Variants in ADAM10 observed in about 807,000 individuals in gnomAD.
The protein encoded by ADAM10 is ADAM metallopeptidase domain 10, also known as disintegrin and metalloproteinase domain-containing protein 10.
In ADAM10, 17 loss-of-function variants were observed where a neutral mutation model predicts 90.1. The ratio of observed to expected loss-of-function variants is 0.19; its 90% CI spans 0.13 to 0.28. The LOEUF (loss-of-function observed/expected upper bound fraction) is 0.28, where lower values mean the gene tolerates loss of function less well. Ranked by LOEUF, ADAM10 falls within the 10% of genes least tolerant of loss-of-function variation. The probability of loss-of-function intolerance (pLI) is 1.00; values close to 1 mark genes in which losing one functional copy is unlikely to be tolerated. For synonymous variants in ADAM10, 310 were observed against 298.6 expected, an observed-to-expected ratio of 1.04 and a Z score of -0.40; for missense variants, 610 against 914.3, an observed-to-expected ratio of 0.67 and a Z score of 4.29.
intron 12 of ADAM10, 77 bp downstream of exon 12, chr15:58,611,731 A>G: frequency 7.3e-7 from 1 of 1,363,334 alleles, no homozygotes; most frequent in African/African-American, 1.5e-5. Flanking sequence ...TTAACTATGT[A>G]GCTTTAAGCA....
intron 9 of ADAM10, among the ~76,000 whole-genome samples, chr15:58,632,816 A>G (rs1331426183): frequency 6.6e-6 from 1 of 152,236 alleles, no homozygotes; most frequent in East Asian, 1.9e-4. Context: ...CAAAACAAAA[A>G]AAGAATTTCT....
intron 7 of ADAM10, among the ~76,000 whole-genome samples, chr15:58,642,322 G>A (rs1056235170): frequency 5.9e-5 from 9 of 151,862 alleles, no homozygotes; most frequent in South Asian, 4.2e-4. Flanking sequence ...AAAATTAGCC[G>A]GGCATGACAG....
At chr15:58,745,187 A>C (rs968437937) in intron 1 of ADAM10, among the ~76,000 whole-genome samples, 53 of 152,202 alleles carry the variant, frequency 3.5e-4, no homozygotes, top group African/African-American at 5.3e-4. Flanking sequence ...CATCTCAAAA[A>C]AATAAAAGTG....
chr15:58,646,711 C>T (rs563312865), intron 5 of ADAM10, among the ~76,000 whole-genome samples: 6 of 152,324 alleles, frequency 3.9e-5, no homozygotes, highest in African/African-American at 1.2e-4. Context: ...GTTTTCAAAA[C>T]GCAAATTTGA....
At chr15:58,659,035 G>A (rs1386929862) in intron 5 of ADAM10, among the ~76,000 whole-genome samples, 1 of 152,162 alleles carries the variant, frequency 6.6e-6, no homozygotes, top group Admixed American at 6.5e-5. Flanking sequence ...GGCACTTTGG[G>A]AAGCCGAAGC....
chr15:58,746,859 G>A (rs560575589), intron 1 of ADAM10, among the ~76,000 whole-genome samples: 2 of 152,324 alleles, frequency 1.3e-5, no homozygotes, highest in South Asian at 4.1e-4. Flanking sequence ...TAAGGATAAA[G>A]ACAAAATTAG....
intron 2 of ADAM10, among the ~76,000 whole-genome samples, chr15:58,708,466 G>A (rs890682451): frequency 7.9e-5 from 12 of 151,924 alleles, no homozygotes; most frequent in African/African-American, 1.7e-4. Context: ...GTTCGAGACC[G>A]GCCCGGGCAA....
chr15:58,741,936 G>A (rs1899629389), intron 1 of ADAM10, among the ~76,000 whole-genome samples: 1 of 152,048 alleles, frequency 6.6e-6, no homozygotes, highest in Non-Finnish European at 1.5e-5. Context: ...TCGATTCCAG[G>A]CAAGTAAACC....
At chr15:58,744,430 T>C (rs1335762648) in intron 1 of ADAM10, among the ~76,000 whole-genome samples, 1 of 152,148 alleles carries the variant, frequency 6.6e-6, no homozygotes, top group Admixed American at 6.5e-5. Context: ...CTTCAAAGTT[T>C]ACAAGAAAGC....
chr15:58,645,694 T>C (rs1896528113), intron 6 of ADAM10, among the ~76,000 whole-genome samples: 1 of 152,116 alleles, frequency 6.6e-6, no homozygotes, highest in Non-Finnish European at 1.5e-5. Context: ...TAATGTAACT[T>C]AGAAAGTGCT....
At chr15:58,721,712 CCT>C (rs767591843) in intron 1 of ADAM10, among the ~76,000 whole-genome samples, 37 of 151,974 alleles carry the variant, frequency 2.4e-4, no homozygotes, top group Admixed American at 6.6e-4. Flanking sequence ...TAGAAAGGCC[CCT>C]GTCTCTACAA....
At chr15:58,713,660 T>TAC (rs2140810030) in intron 2 of ADAM10, among the ~76,000 whole-genome samples, 1 of 152,358 alleles carries the variant, frequency 6.6e-6, no homozygotes, top group Non-Finnish European at 1.5e-5. Flanking sequence ...AGATGTATTT[T>TAC]ACCCTAATAT....
chr15:58,685,570 ATATATATATATATG>A (rs1897574119), intron 2 of ADAM10, among the ~76,000 whole-genome samples: 1 of 136,056 alleles, frequency 7.3e-6, no homozygotes, highest in Admixed American at 7.2e-5. Context: ...ATATATATAT[ATATATATATATATG>A]TATATATACA....
intron 5 of ADAM10, among the ~76,000 whole-genome samples, chr15:58,658,764 A>G (rs1395894564): frequency 5.3e-5 from 8 of 151,796 alleles, no homozygotes; most frequent in African/African-American, 1.7e-4. Context: ...AATTTTTTTC[A>G]TTTTCTAAAT....
intron 1 of ADAM10, among the ~76,000 whole-genome samples, chr15:58,733,587 T>C (rs1394656295): frequency 6.6e-6 from 1 of 152,220 alleles, no homozygotes; most frequent in African/African-American, 2.4e-5. Flanking sequence ...GCAAATAGTA[T>C]ACCTTTTTAT....
At chr15:58,716,898 G>A (rs1338127632) in intron 2 of ADAM10, among the ~76,000 whole-genome samples, 1 of 151,944 alleles carries the variant, frequency 6.6e-6, no homozygotes, top group African/African-American at 2.4e-5. Flanking sequence ...CTAACAGATA[G>A]AGAAAAAATA....
chr15:58,650,125 T>C (rs1315356170), intron 5 of ADAM10, among the ~76,000 whole-genome samples: 2 of 152,216 alleles, frequency 1.3e-5, no homozygotes, highest in Non-Finnish European at 2.9e-5. Context: ...AAATTTAGTC[T>C]TTATGACTTG....
intron 10 of ADAM10, 90 bp downstream of exon 10, chr15:58,627,610 G>A (rs965959475): frequency 1.8e-6 from 2 of 1,116,642 alleles, no homozygotes; most frequent in Non-Finnish European, 1.3e-6. Context: ...AATGCAGGTG[G>A]TGGGTATGTC....
At chr15:58,629,686 C>G (rs1310220975) in intron 9 of ADAM10, among the ~76,000 whole-genome samples, 3 of 152,162 alleles carry the variant, frequency 2.0e-5, no homozygotes, top group African/African-American at 7.2e-5. Context: ...TGCACTATAA[C>G]TATTAAAATT....
Sources: allele counts gnomAD v4.1 joint callset (sites outside exome capture counted in the v4.1 genomes callset), GRCh38; gene constraint gnomAD v4.1.1; transcripts MANE v1.5; gene names NCBI Gene and HGNC (gene_info 2026-07-23, HGNC 2026-07-21).